The following DNAH11 variants were observed in gnomAD, a reference collection of about 807,000 sequenced individuals.
DNAH11 encodes the protein dynein axonemal heavy chain 11.
In DNAH11, 442 loss-of-function variants were observed where a neutral mutation model predicts 526.0. The observed-to-expected ratio is 0.84, with a 90% CI of 0.78 to 0.91. DNAH11 has a LOEUF of 0.91. Ranked by LOEUF, DNAH11 falls within the 40% of genes least tolerant of loss-of-function variation. The pLI, the probability that DNAH11 is intolerant of heterozygous loss-of-function variation, is 0.00. For missense variants in DNAH11, 6,989 were observed against 5,448.7 expected (o/e 1.28, Z -8.90); for synonymous variants, 2,461 against 1,935.9 (o/e 1.27, Z -7.12).
rs1276704052 is a variant in DNAH11, at chr7:21,600,722, T to C, written c.3047T>C (p.Ile1016Thr). 4 of 1,613,788 alleles carry C rather than the reference T, an allele frequency of 2.5e-6. No homozygotes were observed. Among genetic ancestry groups the C allele is most frequent in the Non-Finnish European group, 3.4e-6 (4 of 1,179,794 alleles). Residue 1016 changes from isoleucine (I) to threonine (T), a missense_variant, in exon 16 of 82, where the codon ATC becomes ACC. By Grantham distance (89) the Ile-to-Thr change is moderately conservative. Coordinates refer to ENST00000409508, the MANE Select transcript of DNAH11 (RefSeq NM_001277115.2). Reference sequence around the variant, plus strand: ...GGCCTGGCAGAGGTCAGGCAGGAGATCATGAACAGAGTGGTGAATGTCATC... The same window carrying C: ...GGCCTGGCAGAGGTCAGGCAGGAGACCATGAACAGAGTGGTGAATGTCATC... ...MLGLAEVRQE[I>T]MNRVVNVINK...
chr7:21,701,098 A>C (rs959654568), intron 36 of DNAH11, among the ~76,000 whole-genome samples: 2 of 151,800 alleles, frequency 1.3e-5, no homozygotes, highest in African/African-American at 4.8e-5. Flanking sequence ...CCCGAAACTT[A>C]AACAACAACA....
At chr7:21,852,690 G>A in intron 67 of DNAH11, 59 bp downstream of exon 67, 1 of 1,496,526 alleles carries the variant, frequency 6.7e-7, no homozygotes, top group Non-Finnish European at 8.9e-7. Context: ...GAGACATGTG[G>A]GGTGGGCAGT....
At chr7:21,735,583 C>T in intron 45 of DNAH11, 57 bp from the exon 46 acceptor site, 1 of 1,492,142 alleles carries the variant, frequency 6.7e-7, no homozygotes, top group Non-Finnish European at 9.1e-7. Flanking sequence ...ATGCCTCTCT[C>T]TCGCACGCAC....
At chr7:21,835,288 T>C (rs961595599) in intron 65 of DNAH11, among the ~76,000 whole-genome samples, 3 of 146,780 alleles carry the variant, frequency 2.0e-5, no homozygotes, top group Admixed American at 6.8e-5. Context: ...ATCACCCTGA[T>C]ACTAAAACCA....
In DNAH11 at chr7:21,816,669, T is replaced by C; in HGVS notation, c.10535T>C (p.Met3512Thr). 1.2e-6 allele frequency: 2 copies of C among 1,613,688 alleles called. No individual in the cohort carries two copies. The highest frequency in any genetic ancestry group is 1.7e-6 in the Non-Finnish European group (2 of 1,179,732). The change falls in exon 64 of 82, where the codon ATG (methionine) becomes ACG (threonine). Residue 3512 changes from methionine (M) to threonine (T), a missense_variant. Met to Thr is a moderately conservative substitution (Grantham distance 81). Transcript: ENST00000409508. ...GIKWIKNKYGMDLKVTHLGQK... is the reference protein window; with the variant it reads ...GIKWIKNKYGTDLKVTHLGQK... ...AAGTGGATCAAGAATAAGTATGGAA[T>C]GGACCTGAAAGTCACACATTTGGGC...
chr7:21,707,755 T>C lies in DNAH11; in HGVS notation c.6603T>C (p.Asn2201=). ...YVNMKQKPVW[N]DLNPKAVTTD... ...ACATGAAACAGAAGCCGGTTTGGAA[T>C]GACTTAAACCCTAAAGCTGTGACAA... The change falls in exon 40 of 82, where the codon AAT becomes AAC. Residue 2201 remains asparagine, a synonymous_variant. Coordinates refer to ENST00000409508, the MANE Select transcript of DNAH11 (RefSeq NM_001277115.2). The C allele has an allele frequency of 6.2e-7, 1 of 1,613,488 alleles. No homozygotes were observed. Among genetic ancestry groups the C allele is most frequent in the Non-Finnish European group, 8.5e-7 (1 of 1,179,642 alleles).
chr7:21,603,354 T>C (rs947497494), intron 18 of DNAH11, among the ~76,000 whole-genome samples: 1 of 152,248 alleles, frequency 6.6e-6, no homozygotes, highest in African/African-American at 2.4e-5. Context: ...CTATTGTCAG[T>C]AGTGCTGCTA....
chr7:21,615,058 G>T, intron 20 of DNAH11, 56 bp from the exon 21 acceptor site: 3 of 1,524,140 alleles, frequency 2.0e-6, no homozygotes, highest in South Asian at 1.3e-5. Flanking sequence ...CTACAGAACT[G>T]CATGTCTTCT....
In DNAH11 at chr7:21,665,303, G is replaced by C. The variant is rs1352402277; in HGVS notation, c.5328+6272G>C. Among the ~76,000 whole-genome samples, 10 of 152,216 alleles carry C rather than the reference G, an allele frequency of 6.6e-5. No individual in the cohort carries two copies. In the East Asian group the frequency reaches 1.9e-3, roughly 29 times the overall value. ...TTGCAAGACCACCTATTATTATGAT[G>C]ATTATTGTTGGTAATACTGGCTAGT... On this transcript the variant is annotated intron_variant, in intron 30 of 81. Transcript: ENST00000409508.
chr7:21,544,357 G>A (rs1429871687), intron 1 of DNAH11, among the ~76,000 whole-genome samples: 1 of 152,158 alleles, frequency 6.6e-6, no homozygotes, highest in East Asian at 1.9e-4. Flanking sequence ...GGATCTCAGA[G>A]AAGAAAGAGT....
intron 2 of DNAH11, among the ~76,000 whole-genome samples, chr7:21,557,102 C>G (rs931555158): frequency 6.6e-6 from 1 of 151,782 alleles, no homozygotes; most frequent in African/African-American, 2.4e-5. Flanking sequence ...TTTGGTTTTT[C>G]TGTTCCTGTG....
chr7:21,543,632 A>C, intron 1 of DNAH11, 36 bp downstream of exon 1: 3 of 1,553,686 alleles, frequency 1.9e-6, no homozygotes, highest in Non-Finnish European at 2.6e-6. Context: ...TGCCCATCCA[A>C]CAAAACTACC....
At position 21,765,416 on chromosome 7, in the gene DNAH11, A is replaced by G. The variant is rs886038475; in HGVS notation, c.8941-12A>G. 4 of 1,613,330 alleles carry G rather than the reference A, an allele frequency of 2.5e-6. No individual in the cohort carries two copies. The highest frequency in any genetic ancestry group is 2.5e-6 in the Non-Finnish European group (3 of 1,179,596). On this transcript the variant is annotated splice_polypyrimidine_tract_variant and intron_variant, in intron 54 of 81. Transcript: ENST00000409508. ...ACCCGCCTGTTTCTGCCTTGCCCCCATGTCTCCACAGATCATTTTGTGTTT... is the reference window on the plus strand; with the variant it reads ...ACCCGCCTGTTTCTGCCTTGCCCCCGTGTCTCCACAGATCATTTTGTGTTT...
chr7:21,687,464 T>C lies in DNAH11; in HGVS notation c.5861T>C (p.Val1954Ala). ...FDEFNRISVEVLSVVAVQVKM... is the reference protein window; with the variant it reads ...FDEFNRISVEALSVVAVQVKM... ...GAGTTCAACCGAATCTCTGTGGAAG[T>C]TCTGTCAGTGGTGGCAGTACAAGTG... The change falls in exon 34 of 82, where the codon GTT (valine) becomes GCT (alanine). Residue 1954 changes from valine to alanine, a missense_variant. Val to Ala is a moderately conservative substitution (Grantham distance 64, BLOSUM62 0). Transcript: ENST00000409508. 1 of 1,613,972 alleles carries C rather than the reference T, an allele frequency of 6.2e-7. No individual in the cohort carries two copies. The highest frequency in any genetic ancestry group is 1.3e-5 in the African/African-American group (1 of 75,038).
intron 54 of DNAH11, among the ~76,000 whole-genome samples, chr7:21,755,109 T>C (rs958026379): frequency 6.6e-6 from 1 of 152,162 alleles, no homozygotes; most frequent in Non-Finnish European, 1.5e-5. Context: ...CCATTACCCA[T>C]GCTCACCGCC....
chr7:21,708,135 A>G (rs1315790449), intron 40 of DNAH11, among the ~76,000 whole-genome samples: 1 of 152,202 alleles, frequency 6.6e-6, no homozygotes, highest in Non-Finnish European at 1.5e-5. Context: ...AAACATCTAT[A>G]AAGTACCTGA....
intron 2 of DNAH11, among the ~76,000 whole-genome samples, chr7:21,549,375 T>G (rs1428953920): frequency 5.7e-5 from 5 of 87,172 alleles, no homozygotes; most frequent in Non-Finnish European, 8.6e-5. Context: ...GGCATTCATA[T>G]TCCCATACTC....
intron 18 of DNAH11, among the ~76,000 whole-genome samples, chr7:21,602,537 C>G (rs1785132081): frequency 6.6e-6 from 1 of 150,752 alleles, no homozygotes; most frequent in Non-Finnish European, 1.5e-5. Flanking sequence ...TTTTCTATGC[C>G]AATATTGATA....
intron 29 of DNAH11, among the ~76,000 whole-genome samples, chr7:21,657,320 G>T (rs1256758334): frequency 1.3e-5 from 2 of 152,146 alleles, no homozygotes; most frequent in African/African-American, 4.8e-5. Flanking sequence ...TCTTCGAGGA[G>T]CTCTTAGGCC....
Sources: gnomAD v4.1 joint callset for allele counts (sites outside exome capture counted in the v4.1 genomes callset) on GRCh38, gnomAD v4.1.1 for gene constraint, MANE v1.5 for transcripts, NCBI Gene and HGNC (gene_info 2026-07-23, HGNC 2026-07-21) for gene names.